The following PHOX2B variants were observed in gnomAD, a reference collection of about 807,000 sequenced individuals.
The protein encoded by PHOX2B is paired mesoderm homeobox protein 2B.
PHOX2B carries 1 observed loss-of-function variant against 15.5 expected under a neutral mutation model. That is an observed-to-expected ratio of 0.06 (90% CI 0.02 to 0.31). PHOX2B has a LOEUF of 0.31. PHOX2B is among the 10% of genes least tolerant of loss of function. PHOX2B has a pLI of 1.00. For missense variants in PHOX2B, 314 were observed against 436.4 expected (o/e 0.72, Z 2.50); for synonymous variants, 206 against 190.5 (o/e 1.08, Z -0.67).
At position 41,746,339 on chromosome 4, in the gene PHOX2B, G is replaced by A. The variant is rs1282321556; in HGVS notation, c.430-17C>T. On this transcript the variant is annotated splice_polypyrimidine_tract_variant and intron_variant, in intron 2 of 2. Coordinates refer to ENST00000226382, the MANE Select transcript of PHOX2B (RefSeq NM_003924.4). The stretch of plus-strand genomic sequence containing the variant: ...GAACCACACCTGGCCCAAGACGGAA[G>A]GAGAGACGGTGAAGCAGGGGGAGAA... The A allele has an allele frequency of 1.9e-6, 3 of 1,613,214 alleles. No individual in the cohort carries two copies. Among genetic ancestry groups the A allele is most frequent in the Non-Finnish European group, 1.7e-6 (2 of 1,179,678 alleles).
Position 41,745,836 on chromosome 4 carries a change from C to A in PHOX2B, c.916G>T (p.Ala306Ser), listed in dbSNP as rs755070000. ...SSLQRPNGAK[A>S]ALVKSSMF ...AACATACTGCTCTTCACTAAGGCGG[C>A]TTTGGCACCGTTGGGTCTTTGGAGC... The change falls in exon 3 of 3, where the codon GCC becomes TCC. Residue 306 changes from alanine to serine, a missense_variant. Physicochemically the swap from Ala to Ser is moderately conservative, Grantham distance 99. Transcript: ENST00000226382. The surrounding 1 kb of genome is among the most constrained non-coding windows in gnomAD (Gnocchi z 4.0). 1 of 1,609,780 alleles carries A rather than the reference C, an allele frequency of 6.2e-7. No individual in the cohort carries two copies. The highest frequency in any genetic ancestry group is 1.1e-5 in the South Asian group (1 of 90,764).
Position 41,745,975 on chromosome 4 carries a change from T to TGCC in PHOX2B, c.774_776dup (p.Ala260dup), listed in dbSNP as rs17886470. The TGCC allele has an allele frequency of 4.9e-5, 63 of 1,288,218 alleles. No homozygotes were observed. The highest frequency in any genetic ancestry group is 6.2e-5 in the Non-Finnish European group (63 of 1,020,784). The allele number at this position is 1,288,218 out of a possible 1,614,324, so 79.8% of individuals were successfully genotyped here. On this transcript the variant is annotated inframe_insertion, in exon 3 of 3. Coordinates refer to ENST00000226382, the MANE Select transcript of PHOX2B (RefSeq NM_003924.4). This position sits in a 1 kb window ranked among gnomAD's most constrained non-coding sequence, Gnocchi z 4.0. ...CCCCAGCCGCAGCCAGGCCTCCAGC[T>TGCC]GCCGCCGCTGCCGCTGCCGCCGCCG...
At position 41,745,043 on chromosome 4, in the gene PHOX2B, C is replaced by T; in HGVS notation, c.*764G>A. The T allele has an allele frequency of 1.3e-5, 3 of 233,188 alleles. No individual in the cohort carries two copies. The highest frequency in any genetic ancestry group is 2.5e-5 in the Non-Finnish European group (3 of 118,050). 14.4% of individuals were successfully genotyped at this position (233,188 alleles called of 1,614,324 possible). The stretch of plus-strand genomic sequence containing the variant: ...CAGGCAAGGGGGTGCGAGAAAGTCA[C>T]TCCGGCCGCCGGGACAGTCTGAGCA... On this transcript the variant is annotated 3_prime_UTR_variant, in exon 3 of 3. Coordinates refer to ENST00000226382, the MANE Select transcript of PHOX2B (RefSeq NM_003924.4). The surrounding 1 kb of genome is among the most constrained non-coding windows in gnomAD (Gnocchi z 4.0).
intron 2 of PHOX2B, 145 bp downstream of exon 2, chr4:41,747,204 C>A: frequency 1.5e-6 from 1 of 684,452 alleles, no homozygotes; most frequent in Non-Finnish European, 2.5e-6. Flanking sequence ...CACAGCCACA[C>A]CAAATCCAGT....
At chr4:41,746,417 G>A (rs1733902560) in intron 2 of PHOX2B, 95 bp from the exon 3 acceptor site, 27 of 1,310,030 alleles carry the variant, frequency 2.1e-5, no homozygotes, top group South Asian at 8.8e-5. Flanking sequence ...GTTCTACTTC[G>A]GCTTGTTTTA....
chr4:41,744,935 G>GGCT lies in PHOX2B; in HGVS notation c.*869_*871dup. ...GATAGGGCATCTTTCAGGGCCGAAC[G>GGCT]GCTGCAAAGATTCGGGGTTGGGAGT... is the stretch of plus-strand genomic sequence containing the variant. On this transcript the variant is annotated 3_prime_UTR_variant, in exon 3 of 3. Transcript: ENST00000226382. 1 of 233,364 alleles carries GGCT rather than the reference G, an allele frequency of 4.3e-6. No homozygotes were observed. Among genetic ancestry groups the GGCT allele is most frequent in the Non-Finnish European group, 8.5e-6 (1 of 118,056 alleles). 14.5% of individuals were successfully genotyped at this position (233,364 alleles called of 1,614,324 possible). A position where few individuals can be genotyped will look rare whatever the true frequency, so the allele number is the denominator to read the frequency against.
chr4:41,745,739 C>T lies in PHOX2B; in HGVS notation c.*68G>A. The T allele has an allele frequency of 6.5e-7, 1 of 1,549,324 alleles. No homozygotes were observed. The highest frequency in any genetic ancestry group is 8.7e-7 in the Non-Finnish European group (1 of 1,148,692). On this transcript the variant is annotated 3_prime_UTR_variant, in exon 3 of 3. Coordinates refer to ENST00000226382, the MANE Select transcript of PHOX2B (RefSeq NM_003924.4). This position sits in a 1 kb window ranked among gnomAD's most constrained non-coding sequence, Gnocchi z 4.0. ...CAATAGCCTTGGGCCTACCCGCTCGCCCACTCGCCCGCCCGGGCCCTGGCT... is the reference window on the plus strand; with the variant it reads ...CAATAGCCTTGGGCCTACCCGCTCGTCCACTCGCCCGCCCGGGCCCTGGCT...
intron 2 of PHOX2B, 49 bp downstream of exon 2, chr4:41,747,300 C>G (rs1486568755): frequency 6.6e-7 from 1 of 1,512,786 alleles, no homozygotes; most frequent in South Asian, 1.1e-5. Flanking sequence ...CACCCCACAC[C>G]TCCCCGGACC....
rs1733836337 is a variant in PHOX2B at position 41,744,950 on chromosome 4, G to C, written c.*857C>G. ...AGGGCCGAACGGCTGCAAAGATTCG[G>C]GGTTGGGAGTTGCAACTGTGTGGGG... On this transcript the variant is annotated 3_prime_UTR_variant, in exon 3 of 3. Coordinates refer to ENST00000226382, the MANE Select transcript of PHOX2B (RefSeq NM_003924.4). 1 of 233,244 alleles carries C rather than the reference G, an allele frequency of 4.3e-6. No homozygotes were observed. The highest frequency in any genetic ancestry group is 2.2e-5 in the African/African-American group (1 of 45,358). 14.4% of individuals were successfully genotyped at this position (233,244 alleles called of 1,614,324 possible). A position where few individuals can be genotyped will look rare whatever the true frequency, so the allele number is the denominator to read the frequency against.
rs1488524683 is a variant in PHOX2B at position 41,744,915 on chromosome 4, G to A, written c.*892C>T. 1 of 233,278 alleles carries A rather than the reference G, an allele frequency of 4.3e-6. No homozygotes were observed. The highest frequency in any genetic ancestry group is 2.2e-5 in the African/African-American group (1 of 45,346). The allele number at this position is 233,278 out of a possible 1,614,324, so 14.5% of individuals were successfully genotyped here. ...AGATGAAAAGGCATCTCATGGATAG[G>A]GCATCTTTCAGGGCCGAACGGCTGC... On this transcript the variant is annotated 3_prime_UTR_variant, in exon 3 of 3. Coordinates refer to ENST00000226382, the MANE Select transcript of PHOX2B (RefSeq NM_003924.4).
At position 41,748,661 on chromosome 4, in the gene PHOX2B, G is replaced by C; in HGVS notation, c.-51C>G. The C allele has an allele frequency of 6.3e-7, 1 of 1,586,658 alleles. No homozygotes were observed. Among genetic ancestry groups the C allele is most frequent in the Non-Finnish European group, 8.6e-7 (1 of 1,157,778 alleles). The stretch of plus-strand genomic sequence containing the variant: ...AAGTGGAAAAATGAAATAAAAGATG[G>C]ATATGGAGAAGGTGGCTGGAGTGGG... On this transcript the variant is annotated 5_prime_UTR_variant, in exon 1 of 3. In the 5' UTR this introduces an upstream ATG that the reference lacks. Coordinates refer to ENST00000226382, the MANE Select transcript of PHOX2B (RefSeq NM_003924.4).
Position 41,746,077 on chromosome 4 carries a change from C to T in PHOX2B, c.675G>A (p.Gly225=), listed in dbSNP as rs1577559129. The part of the protein sequence containing the change: ...GGGPSPAGAP[G]AAGPGGPGGE... The stretch of plus-strand genomic sequence containing the variant: ...CTCCCGGGCCCCCGGGCCCCGCCGC[C>T]CCCGGAGCTCCAGCCGGGCTGGGCC... Residue 225 remains glycine, a synonymous_variant, in exon 3 of 3, where the codon GGG becomes GGA. Transcript: ENST00000226382. 1 of 1,493,444 alleles carries T rather than the reference C, an allele frequency of 6.7e-7. No homozygotes were observed. The highest frequency in any genetic ancestry group is 8.9e-7 in the Non-Finnish European group (1 of 1,129,206). The allele number at this position is 1,493,444 out of a possible 1,614,324, so 92.5% of individuals were successfully genotyped here.
At chr4:41,746,878 T>C (rs1401035529) in intron 2 of PHOX2B, among the ~76,000 whole-genome samples, 2 of 152,344 alleles carry the variant, frequency 1.3e-5, no homozygotes, top group East Asian at 3.9e-4. Context: ...GTCATGGTTC[T>C]TGACCTTCAT....
At position 41,745,711 on chromosome 4, in the gene PHOX2B, C is replaced by G. The variant is rs1358342529; in HGVS notation, c.*96G>C. On this transcript the variant is annotated 3_prime_UTR_variant, in exon 3 of 3. Coordinates refer to ENST00000226382, the MANE Select transcript of PHOX2B (RefSeq NM_003924.4). The surrounding 1 kb of genome is among the most constrained non-coding windows in gnomAD (Gnocchi z 4.0). ...AATGAAAAAGCCATGGCAGCAGCGA[C>G]GACAATAGCCTTGGGCCTACCCGCT... 1.4e-6 allele frequency: 2 copies of G among 1,456,938 alleles called. No homozygotes were observed. Among genetic ancestry groups the G allele is most frequent in the South Asian group, 1.3e-5 (1 of 76,904 alleles). 90.3% of individuals were successfully genotyped at this position (1,456,938 alleles called of 1,614,324 possible).
Position 41,745,864 on chromosome 4 carries a change from A to G in PHOX2B, c.888T>C (p.Ser296=). 2 of 1,608,724 alleles carry G rather than the reference A, an allele frequency of 1.2e-6. No individual in the cohort carries two copies. Among genetic ancestry groups the G allele is most frequent in the Non-Finnish European group, 1.7e-6 (2 of 1,177,894 alleles). ...SLGGPFASVL[S]SLQRPNGAKA... ...TGGCACCGTTGGGTCTTTGGAGCGA[A>G]GATAGGACGCTGGCGAAGGGACCCC... The change falls in exon 3 of 3, where the codon TCT becomes TCC. Residue 296 remains serine, a synonymous_variant. Coordinates refer to ENST00000226382, the MANE Select transcript of PHOX2B (RefSeq NM_003924.4). The surrounding 1 kb of genome is among the most constrained non-coding windows in gnomAD (Gnocchi z 4.0).
chr4:41,746,203 C>T lies in PHOX2B; in HGVS notation c.549G>A (p.Glu183=), dbSNP rs770661130. The change falls in exon 3 of 3, where the codon GAG becomes GAA. Residue 183 remains glutamate (E), a synonymous_variant. Coordinates refer to ENST00000226382, the MANE Select transcript of PHOX2B (RefSeq NM_003924.4). ...GGTCAGTGCTCTTGGCCTCTTTGCT[C>T]TCGTCGTCCCTGGAAGAGTCAGACT... The part of the protein sequence containing the change: ...GKKSDSSRDD[E]SKEAKSTDPD... 8.7e-6 allele frequency: 14 copies of T among 1,613,752 alleles called. No homozygotes were observed. Among genetic ancestry groups the T allele is most frequent in the Non-Finnish European group, 1.7e-6 (2 of 1,179,926 alleles).
chr4:41,745,699 T>A lies in PHOX2B; in HGVS notation c.*108A>T. On this transcript the variant is annotated 3_prime_UTR_variant, in exon 3 of 3. Coordinates refer to ENST00000226382, the MANE Select transcript of PHOX2B (RefSeq NM_003924.4). This position sits in a 1 kb window ranked among gnomAD's most constrained non-coding sequence, Gnocchi z 4.0. ...CTTTAGGCCCTCAATGAAAAAGCCA[T>A]GGCAGCAGCGACGACAATAGCCTTG... 1 of 1,395,270 alleles carries A rather than the reference T, an allele frequency of 7.2e-7. No homozygotes were observed. Among genetic ancestry groups the A allele is most frequent in the Admixed American group, 2.5e-5 (1 of 40,604 alleles). 86.4% of individuals were successfully genotyped at this position (1,395,270 alleles called of 1,614,324 possible). A position where few individuals can be genotyped will look rare whatever the true frequency, so the allele number is the denominator to read the frequency against.
At chr4:41,748,306 T>C (rs1005823397) in intron 1 of PHOX2B, 64 bp downstream of exon 1, 1 of 1,583,266 alleles carries the variant, frequency 6.3e-7, no homozygotes. Flanking sequence ...TCAAATGCAA[T>C]CAAGGCTTCC....
rs1063611 is a variant in PHOX2B at position 41,744,145 on chromosome 4, T to C, written c.*1662A>G. 1 of 190,666 alleles carries C rather than the reference T, an allele frequency of 5.2e-6. No individual in the cohort carries two copies. 11.8% of individuals were successfully genotyped at this position (190,666 alleles called of 1,614,324 possible). On this transcript the variant is annotated 3_prime_UTR_variant, in exon 3 of 3. Transcript: ENST00000226382. ...AATGGTACACTCTTGGAAAACTATA[T>C]GCACATGTAGAAATATTTCCCTTTT... is the stretch of plus-strand genomic sequence containing the variant.
Sources: allele counts gnomAD v4.1 joint callset (sites outside exome capture counted in the v4.1 genomes callset), GRCh38; gene constraint gnomAD v4.1.1; non-coding constraint Gnocchi (gnomAD v3.1); transcripts MANE v1.5; gene names NCBI Gene and HGNC (gene_info 2026-07-23, HGNC 2026-07-21).